Variants in MACROD2 observed in about 807,000 individuals in gnomAD.
MACROD2 encodes ADP-ribose glycohydrolase MACROD2.
MACROD2 carries 36 observed loss-of-function variants against 70.4 expected under a neutral mutation model. The ratio of observed to expected loss-of-function variants is 0.51; its 90% CI spans 0.39 to 0.68. The LOEUF (loss-of-function observed/expected upper bound fraction) is 0.68. Among genes scored for constraint, MACROD2 ranks in the 30% least tolerant of loss-of-function variants. The probability of loss-of-function intolerance (pLI) is 0.00; values close to 1 mark genes in which losing one functional copy is unlikely to be tolerated. For missense variants in MACROD2, 496 were observed against 538.4 expected, an observed-to-expected ratio of 0.92 and a Z score of 0.78; for synonymous variants, 172 against 178.8, an observed-to-expected ratio of 0.96 and a Z score of 0.30.
At chr20:16,036,357 T>C (rs2067236397) in intron 15 of MACROD2, among the ~76,000 whole-genome samples, 1 of 151,998 alleles carries the variant, frequency 6.6e-6, no homozygotes, top group African/African-American at 2.4e-5. Context: ...CTCAGTATCT[T>C]TTCTTCTATG....
At chr20:14,144,703 T>C (rs540430956) in intron 3 of MACROD2, among the ~76,000 whole-genome samples, 1 of 152,306 alleles carries the variant, frequency 6.6e-6, no homozygotes, top group East Asian at 1.9e-4. Context: ...AAGAGGAAAT[T>C]GTGTATTCCT....
At chr20:14,646,399 A>C (rs1259315686) in intron 4 of MACROD2, among the ~76,000 whole-genome samples, 2 of 152,128 alleles carry the variant, frequency 1.3e-5, no homozygotes, top group Non-Finnish European at 2.9e-5. Flanking sequence ...TTCCCCAAAC[A>C]AACAGCTTTC....
intron 13 of MACROD2, among the ~76,000 whole-genome samples, chr20:15,979,288 G>A (rs548497589): frequency 2.0e-5 from 3 of 152,222 alleles, no homozygotes; most frequent in African/African-American, 7.2e-5. Context: ...GAAGGAACAT[G>A]GTTTATTAGG....
rs1385135039 is a variant in MACROD2 at position 14,486,522 on chromosome 20, TTA to T, written c.272-6955_272-6954del. On this transcript the variant is annotated intron_variant, in intron 3 of 17. Transcript: ENST00000684519. ...GGCATAAAATAGCCAACTTTTTATTTTATTTTTTTTTTTTGAGACAGAGTTTC... is the reference window on the plus strand; with the variant it reads ...GGCATAAAATAGCCAACTTTTTATTTTTTTTTTTTTTTGAGACAGAGTTTC... Among the ~76,000 whole-genome samples the T allele has an allele frequency of 2.8e-5, 4 of 142,088 alleles. 1 individual carries two copies. The highest frequency in any genetic ancestry group is 3.1e-5 in the Non-Finnish European group (2 of 65,070). The allele number at this position is 142,088 out of a possible 152,430, so 93.2% of individuals were successfully genotyped here.
At chr20:14,028,495 G>A (rs994833691) in intron 2 of MACROD2, among the ~76,000 whole-genome samples, 2 of 152,178 alleles carry the variant, frequency 1.3e-5, no homozygotes, top group African/African-American at 2.4e-5. Context: ...CAGCTAGCTC[G>A]GTGTCTGCCC....
intron 5 of MACROD2, among the ~76,000 whole-genome samples, chr20:15,152,186 G>T (rs1657956): frequency 0.59 from 89,157 of 151,698 alleles, 26,442 homozygotes; most frequent in East Asian, 0.65. Context: ...TGTCAAGTTT[G>T]TATTGGGGTC....
At chr20:14,472,004 G>A (rs1188988555) in intron 3 of MACROD2, among the ~76,000 whole-genome samples, 2 of 152,168 alleles carry the variant, frequency 1.3e-5, no homozygotes, top group East Asian at 1.9e-4. Context: ...GGAGACAACT[G>A]TTGGTCTGCA....
intron 14 of MACROD2, 25 bp downstream of exon 14, chr20:15,986,826 A>G (rs2066490664): frequency 2.6e-6 from 4 of 1,545,322 alleles, no homozygotes; most frequent in Non-Finnish European, 3.6e-6. Context: ...ATATATTGTT[A>G]TCAGAGAATG....
chr20:14,064,629 C>T (rs2053733791), intron 2 of MACROD2, among the ~76,000 whole-genome samples: 2 of 152,124 alleles, frequency 1.3e-5, no homozygotes, highest in African/African-American at 4.8e-5. Flanking sequence ...TCTCCATTGC[C>T]ACAGTCTTAG....
intron 5 of MACROD2, among the ~76,000 whole-genome samples, chr20:14,910,477 G>A (rs2074013280): frequency 6.6e-6 from 1 of 152,200 alleles, no homozygotes; most frequent in African/African-American, 2.4e-5. Flanking sequence ...AAAAAAAGAA[G>A]TCACCATCAA....
intron 5 of MACROD2, among the ~76,000 whole-genome samples, chr20:14,694,344 G>A (rs2071097060): frequency 6.6e-6 from 1 of 152,074 alleles, no homozygotes; most frequent in Non-Finnish European, 1.5e-5. Flanking sequence ...AAGTAACCGA[G>A]GCCTAGGAAA....
chr20:15,910,112 T>C (rs2065213636), intron 10 of MACROD2, among the ~76,000 whole-genome samples: 1 of 152,178 alleles, frequency 6.6e-6, no homozygotes, highest in Admixed American at 6.5e-5. Flanking sequence ...TCAAAACCCC[T>C]GGTTCTGTTA....
intron 3 of MACROD2, among the ~76,000 whole-genome samples, chr20:14,393,531 G>A (rs371811439): frequency 9.9e-5 from 15 of 152,006 alleles, no homozygotes; most frequent in African/African-American, 1.4e-4. Context: ...TAAGCCATGC[G>A]TAATATCTGC....
At chr20:15,146,623 A>C (rs924352095) in intron 5 of MACROD2, among the ~76,000 whole-genome samples, 14 of 152,306 alleles carry the variant, frequency 9.2e-5, no homozygotes, top group South Asian at 4.1e-4. Context: ...AATAGATTTC[A>C]TCAAAGAAGT....
At chr20:15,108,471 A>G (rs2075929068) in intron 5 of MACROD2, among the ~76,000 whole-genome samples, 1 of 152,016 alleles carries the variant, frequency 6.6e-6, no homozygotes, top group African/African-American at 2.4e-5. Flanking sequence ...CATTGCTACA[A>G]CTCATGGAGT....
rs576886857 is a variant in MACROD2, at chr20:14,228,516, T to C, written c.271+142788T>C. Among the ~76,000 whole-genome samples the C allele has an allele frequency of 2.0e-5, 3 of 152,192 alleles. No individual in the cohort carries two copies. The South Asian group carries it at 6.2e-4, about 32-fold the overall frequency. ...CCATGCCCAGCTAATTTTTGTATTTTAGTATAGTCTTAACTGTAATAGCAA... is the reference window on the plus strand; with the variant it reads ...CCATGCCCAGCTAATTTTTGTATTTCAGTATAGTCTTAACTGTAATAGCAA... On this transcript the variant is annotated intron_variant, in intron 3 of 17. Transcript: ENST00000684519.
rs528807226 is a variant in MACROD2 at position 14,481,406 on chromosome 20, T to G, written c.272-12073T>G. On this transcript the variant is annotated intron_variant, in intron 3 of 17. Transcript: ENST00000684519. ...TCAAAGGAGTATGATCTCTTATAGATAATTCCAGATTTTGTGAGATCAAAA... is the reference window on the plus strand; with the variant it reads ...TCAAAGGAGTATGATCTCTTATAGAGAATTCCAGATTTTGTGAGATCAAAA... Among the ~76,000 whole-genome samples, 8 of 152,316 alleles carry G rather than the reference T, an allele frequency of 5.3e-5. No homozygotes were observed. In the South Asian group the frequency reaches 1.7e-3, roughly 32 times the overall value.
intron 5 of MACROD2, among the ~76,000 whole-genome samples, chr20:14,761,307 G>A (rs1007192701): frequency 6.6e-6 from 1 of 152,092 alleles, no homozygotes; most frequent in Admixed American, 6.6e-5. Flanking sequence ...AACAGTTGCT[G>A]AGGACTGGCT....
rs2067467240 is a variant in MACROD2, at chr20:16,052,208, T to G, written c.*2332T>G. 6.6e-6 allele frequency: 1 copy of G among 152,234 alleles called. No homozygotes were observed. Among genetic ancestry groups the G allele is most frequent in the African/African-American group, 2.4e-5 (1 of 41,460 alleles). 9.4% of individuals were successfully genotyped at this position (152,234 alleles called of 1,614,324 possible). A position where few individuals can be genotyped will look rare whatever the true frequency, so the allele number is the denominator to read the frequency against. ...TTGGTTGTTATTTGGCTATACAGTT[T>G]TATGCTTTAAAACAAATGATAAAGT... On this transcript the variant is annotated 3_prime_UTR_variant, in exon 18 of 18. Transcript: ENST00000684519.
Sources: gnomAD v4.1 joint callset for allele counts (sites outside exome capture counted in the v4.1 genomes callset) on GRCh38, gnomAD v4.1.1 for gene constraint, MANE v1.5 for transcripts, NCBI Gene and HGNC (gene_info 2026-07-23, HGNC 2026-07-21) for gene names.